DZANK1: variants seen among roughly 807,000 people sequenced by gnomAD.
DZANK1 encodes double zinc ribbon and ankyrin repeat-containing protein 1.
Under a neutral mutation model 94.5 loss-of-function variants are expected in DZANK1, and 91 were observed. That is an observed-to-expected ratio of 0.96 (90% CI 0.81 to 1.15). DZANK1 has a LOEUF of 1.15. Among genes scored for constraint, DZANK1 ranks in the 50% most tolerant of loss-of-function variants. DZANK1 has a pLI of 0.00. For missense variants in DZANK1, 903 were observed against 916.4 expected (o/e 0.99, Z 0.19); for synonymous variants, 312 against 325.3 (o/e 0.96, Z 0.44).
At position 18,384,559 on chromosome 20, in the gene DZANK1, T is replaced by C. The variant is rs373210581; in HGVS notation, c.2099A>G (p.Asn700Ser). ...TGCATTCTTCTTTTGGATGCTTGCA[T>C]TGCATCTGCAAAGGAAATGGAGAAA... The change falls in exon 21 of 21, where the codon AAT becomes AGT. Residue 700 changes from asparagine to serine, a missense_variant. Coordinates refer to ENST00000262547, the Ensembl canonical transcript of DZANK1. 1.1e-5 allele frequency: 17 copies of C among 1,600,996 alleles called. No individual in the cohort carries two copies. The East Asian group carries it at 3.4e-4, about 32-fold the overall frequency.
At chr20:18,402,443 T>G (rs944269127) in intron 13 of DZANK1, among the ~76,000 whole-genome samples, 11 of 152,006 alleles carry the variant, frequency 7.2e-5, no homozygotes, top group Non-Finnish European at 1.3e-4. Context: ...ACTCAATGGA[T>G]AAGGGAATGC....
chr20:18,420,599 GA>G (rs1219447180), intron 10 of DZANK1: 3 of 226,554 alleles, frequency 1.3e-5, no homozygotes, highest in East Asian at 1.0e-4. Context: ...GGCACTGCCT[GA>G]AAAAATGGGT....
chr20:18,392,318 C>A (rs901566938), intron 17 of DZANK1, among the ~76,000 whole-genome samples: 40 of 152,184 alleles, frequency 2.6e-4, no homozygotes, highest in African/African-American at 8.2e-4. Flanking sequence ...CTAACATATT[C>A]TTTCCAAATG....
At chr20:18,455,190 GA>G in intron 4 of DZANK1, 56 bp downstream of exon 4, 1 of 1,364,012 alleles carries the variant, frequency 7.3e-7, no homozygotes, top group South Asian at 1.3e-5. Flanking sequence ...TGCTCACTGA[GA>G]AAGAAGGAAC....
chr20:18,399,531 T>G (rs1331091950), intron 13 of DZANK1, among the ~76,000 whole-genome samples: 1 of 152,108 alleles, frequency 6.6e-6, no homozygotes, highest in Non-Finnish European at 1.5e-5. Flanking sequence ...CACCCAGCCC[T>G]TACACAATAT....
intron 13 of DZANK1, among the ~76,000 whole-genome samples, chr20:18,409,586 C>CACA (rs367672370): frequency 5.0e-4 from 56 of 112,514 alleles, no homozygotes; most frequent in Non-Finnish European, 9.2e-4. Flanking sequence ...ACACACACCA[C>CACA]CACCACCACC....
At chr20:18,383,888 ACATT>A (rs967522081) in exon 21 of DZANK1, 34 of 152,298 alleles carry the variant, frequency 2.2e-4, no homozygotes, top group African/African-American at 6.5e-4. Context: ...TAAAAAACAT[ACATT>A]CAGTTTATCA....
At chr20:18,392,439 C>G (rs1295960858) in intron 17 of DZANK1, among the ~76,000 whole-genome samples, 2 of 152,224 alleles carry the variant, frequency 1.3e-5, no homozygotes, top group Non-Finnish European at 2.9e-5. Flanking sequence ...AGTGCACTGA[C>G]AAGGCGGCGT....
At chr20:18,384,528 G>C in exon 21 of DZANK1, 1 of 1,609,740 alleles carries the variant, frequency 6.2e-7, no homozygotes, top group Non-Finnish European at 8.5e-7. Flanking sequence ...ATGCTGTCTG[G>C]CCTCCTGCAT....
chr20:18,459,264 G>A (rs2059393026), intron 3 of DZANK1, among the ~76,000 whole-genome samples: 1 of 152,162 alleles, frequency 6.6e-6, no homozygotes, highest in African/African-American at 2.4e-5. Flanking sequence ...TCCATTTGCA[G>A]CACACACTTT....
intron 3 of DZANK1, among the ~76,000 whole-genome samples, chr20:18,459,560 G>A (rs928436383): frequency 6.6e-6 from 1 of 151,326 alleles, no homozygotes; most frequent in Non-Finnish European, 1.5e-5. Context: ...AGGATTTGAG[G>A]TTTTTTTTTG....
intron 8 of DZANK1, chr20:18,434,091 T>C: frequency 5.2e-6 from 1 of 193,766 alleles, no homozygotes; most frequent in Non-Finnish European, 1.0e-5. Flanking sequence ...AAAAAGTAAA[T>C]AATAGAAAAT....
At chr20:18,412,603 T>C (rs753052104) in intron 13 of DZANK1, 43 bp downstream of exon 13, 2 of 1,568,638 alleles carry the variant, frequency 1.3e-6, no homozygotes, top group East Asian at 4.5e-5. Context: ...ACAGAAAGAG[T>C]GAATTCCCTC....
chr20:18,414,443 A>T, exon 12 of DZANK1: 1 of 1,613,922 alleles, frequency 6.2e-7, no homozygotes. Context: ...CAGGAGCCAC[A>T]GAATCGGGCA....
intron 18 of DZANK1, 43 bp downstream of exon 18, chr20:18,390,336 G>C: frequency 1.3e-5 from 20 of 1,581,226 alleles, no homozygotes; most frequent in Non-Finnish European, 1.7e-5. Flanking sequence ...TGGAATGCCA[G>C]GCTGAACTCT....
At chr20:18,459,077 C>T (rs2059387517) in intron 3 of DZANK1, among the ~76,000 whole-genome samples, 1 of 152,164 alleles carries the variant, frequency 6.6e-6, no homozygotes, top group Admixed American at 6.5e-5. Context: ...CATAGTCAGT[C>T]ATTAAATTGC....
intron 3 of DZANK1, among the ~76,000 whole-genome samples, chr20:18,458,838 C>T (rs923842752): frequency 6.6e-6 from 1 of 152,154 alleles, no homozygotes; most frequent in Non-Finnish European, 1.5e-5. Context: ...AGGTTGTTTC[C>T]CCCACCCCAG....
chr20:18,400,682 C>A (rs565081089), intron 13 of DZANK1, among the ~76,000 whole-genome samples: 1 of 152,226 alleles, frequency 6.6e-6, no homozygotes, highest in African/African-American at 2.4e-5. Flanking sequence ...TATGAGTAAT[C>A]GAGACAACAC....
exon 3 of DZANK1, chr20:18,460,181 T>A (rs1465615029): frequency 6.4e-7 from 1 of 1,563,080 alleles, no homozygotes; most frequent in South Asian, 1.2e-5. Flanking sequence ...TTAACTTGTA[T>A]TTTTCCATCA....
Sources: allele counts gnomAD v4.1 joint callset (sites outside exome capture counted in the v4.1 genomes callset), GRCh38; gene constraint gnomAD v4.1.1; transcripts MANE v1.5; gene names NCBI Gene and HGNC (gene_info 2026-07-23, HGNC 2026-07-21).